POP1: variants seen among roughly 807,000 people sequenced by gnomAD.
The protein encoded by POP1 is ribonucleases P/MRP protein subunit POP1.
Under a neutral mutation model 102.2 loss-of-function variants are expected in POP1, and 75 were observed. That is an observed-to-expected ratio of 0.73 (90% CI 0.61 to 0.89). The LOEUF (loss-of-function observed/expected upper bound fraction) is 0.89, where lower values mean the gene tolerates loss of function less well. POP1 is among the 40% of genes least tolerant of loss of function. The probability of loss-of-function intolerance (pLI) is 0.00; values close to 1 mark genes in which losing one functional copy is unlikely to be tolerated. For synonymous variants in POP1, 436 were observed against 464.1 expected, an observed-to-expected ratio of 0.94 and a Z score of 0.78; for missense variants, 1,116 against 1,267.4, an observed-to-expected ratio of 0.88 and a Z score of 1.81.
intron 4 of POP1, among the ~76,000 whole-genome samples, 172 bp from the exon 5 acceptor site, chr8:98,129,806 A>G (rs1816323465): frequency 1.3e-5 from 2 of 152,128 alleles, no homozygotes; most frequent in Non-Finnish European, 2.9e-5. Context: ...CACTCTTTCC[A>G]TTGTCTTCCT....
At chr8:98,147,720 G>C (rs531993610) in intron 12 of POP1, among the ~76,000 whole-genome samples, 86 of 152,198 alleles carry the variant, frequency 5.7e-4, no homozygotes, top group Non-Finnish European at 9.4e-4. Context: ...GATGTTTAAC[G>C]CATATTCCTG....
rs752108279 is a variant in POP1, at chr8:98,130,172, A to C, written c.681A>C (p.Thr227=). ...GCTACTGCCTTGGGGAGAGGCCAAC[A>C]GTCAAGAGCCACAGAGCCTGCTATC... ...KWGYCLGERP[T]VKSHRACYRA... The change falls in exon 5 of 16, where the codon ACA becomes ACC. Residue 227 remains threonine (T), a synonymous_variant. Coordinates refer to ENST00000401707, the MANE Select transcript of POP1 (RefSeq NM_001145860.2). 4.0e-5 allele frequency: 64 copies of C among 1,614,080 alleles called. No homozygotes were observed. The highest frequency in any genetic ancestry group is 5.0e-5 in the Non-Finnish European group (59 of 1,180,050).
rs2130641312 is a variant in POP1 at position 98,158,919 on chromosome 8, C to A, written c.*648C>A. 6.6e-6 allele frequency: 1 copy of A among 152,290 alleles called. No individual in the cohort carries two copies. Among genetic ancestry groups the A allele is most frequent in the South Asian group, 2.1e-4 (1 of 4,808 alleles). 9.4% of individuals were successfully genotyped at this position (152,290 alleles called of 1,614,324 possible). On this transcript the variant is annotated 3_prime_UTR_variant, in exon 16 of 16. Transcript: ENST00000401707. The stretch of plus-strand genomic sequence containing the variant: ...CTTTGATCTCTTTGTTGTTGACCAA[C>A]ACTTGATCCTACTAGTTACTTAATT...
chr8:98,149,320 A>G (rs1186454356), intron 13 of POP1, among the ~76,000 whole-genome samples: 1 of 152,256 alleles, frequency 6.6e-6, no homozygotes, highest in African/African-American at 2.4e-5. Flanking sequence ...TTTAAAAGCA[A>G]AGGACTTAAC....
At position 98,158,247 on chromosome 8, in the gene POP1, T is replaced by C; in HGVS notation, c.3051T>C (p.Phe1017=). ...CTCCCGCCTCTCTGCAGTATCGATT[T>C]GCGAGGATTGCTATTGAGGTGTGAA... is the stretch of plus-strand genomic sequence containing the variant. The part of the protein sequence containing the change: ...LRPPASLQYR[F]ARIAIEV Residue 1017 remains phenylalanine, a synonymous_variant, in exon 16 of 16, where the codon TTT becomes TTC. Transcript: ENST00000401707. The C allele has an allele frequency of 6.2e-7, 1 of 1,610,984 alleles. No individual in the cohort carries two copies. The highest frequency in any genetic ancestry group is 1.3e-5 in the African/African-American group (1 of 75,062).
At chr8:98,154,283 C>T (rs1263855582) in intron 14 of POP1, among the ~76,000 whole-genome samples, 12 of 152,282 alleles carry the variant, frequency 7.9e-5, no homozygotes, top group Middle Eastern at 3.4e-3. Flanking sequence ...GAGTTGGCTG[C>T]GCCCAGGTCA....
Position 98,128,367 on chromosome 8 carries a change from T to C in POP1, c.313T>C (p.Ser105Pro), listed in dbSNP as rs764012056. The C allele has an allele frequency of 4.3e-6, 7 of 1,613,944 alleles. No individual in the cohort carries two copies. The East Asian group carries it at 1.6e-4, about 36-fold the overall frequency. The part of the protein sequence containing the change: ...SQEIPKYITA[S>P]TFAQARAAEI... ...GACTTTGTCATCTCCTTCAACAGCT[T>C]CTACTTTTGCTCAAGCACGAGCTGC... is the stretch of plus-strand genomic sequence containing the variant. The change falls in exon 4 of 16, where the codon TCT becomes CCT. Residue 105 changes from serine (S) to proline (P), a missense_variant and splice_region_variant. Transcript: ENST00000401707.
At chr8:98,151,082 C>T (rs1223530896) in intron 14 of POP1, among the ~76,000 whole-genome samples, 2 of 149,550 alleles carry the variant, frequency 1.3e-5, no homozygotes, top group African/African-American at 4.9e-5. Context: ...GAGATAAGTA[C>T]TGTTTGTTTG....
intron 9 of POP1, among the ~76,000 whole-genome samples, 187 bp downstream of exon 9, chr8:98,137,141 A>G (rs1203291925): frequency 6.6e-6 from 1 of 152,178 alleles, no homozygotes; most frequent in Non-Finnish European, 1.5e-5. Context: ...AACTAAGTGG[A>G]TATGATCAGT....
intron 11 of POP1, among the ~76,000 whole-genome samples, chr8:98,142,188 G>A (rs944691562): frequency 6.6e-6 from 1 of 152,062 alleles, no homozygotes; most frequent in Non-Finnish European, 1.5e-5. Flanking sequence ...TTGGAATGAG[G>A]TGATTATTAA....
intron 4 of POP1, among the ~76,000 whole-genome samples, chr8:98,129,702 A>G (rs1360279514): frequency 1.3e-5 from 2 of 152,224 alleles, no homozygotes; most frequent in East Asian, 3.8e-4. Context: ...TGAACATTTT[A>G]TAAGTATTCT....
At chr8:98,155,385 A>T (rs1014684712) in intron 14 of POP1, among the ~76,000 whole-genome samples, 1 of 152,118 alleles carries the variant, frequency 6.6e-6, no homozygotes, top group East Asian at 1.9e-4. Flanking sequence ...GGTTCAAGCG[A>T]TTCTTCTGCC....
In POP1 at chr8:98,150,542, A is replaced by T; in HGVS notation, c.1960A>T (p.Lys654Ter). ...AGAGTCTGCAGTGCATTCTCAGTAT[A>T]AGAGGTCGCCTAATGTCCCAGGCGA... Reference protein sequence around the residue: ...LKESAVHSQYKRSPNVPGDFP... With the variant: ...LKESAVHSQY Residue 654 changes from lysine to a stop codon, truncating the protein, a stop_gained, in exon 14 of 16, where the codon AAG (lysine) becomes TAG (stop). Coordinates refer to ENST00000401707, the MANE Select transcript of POP1 (RefSeq NM_001145860.2). LOFTEE classifies it high-confidence loss of function. The T allele has an allele frequency of 6.2e-7, 1 of 1,614,162 alleles. No homozygotes were observed. The highest frequency in any genetic ancestry group is 8.5e-7 in the Non-Finnish European group (1 of 1,180,026).
chr8:98,122,745 T>TA (rs1395840403), intron 1 of POP1, among the ~76,000 whole-genome samples: 1 of 152,222 alleles, frequency 6.6e-6, no homozygotes, highest in African/African-American at 2.4e-5. Context: ...TATGTCTCGA[T>TA]ATGTGTCTAA....
Position 98,134,568 on chromosome 8 carries a change from C to G in POP1, c.920C>G (p.Pro307Arg). Residue 307 changes from proline to arginine, a missense_variant, in exon 7 of 16, where the codon CCT becomes CGT. By Grantham distance (103) the Pro-to-Arg change is moderately radical (BLOSUM62 -2). Transcript: ENST00000401707. ...VNKYPREMLG[P>R]VTFIWKSQRT... is the part of the protein sequence containing the mutation. ...AAATATCCCAGAGAAATGCTTGGGC[C>G]TGTTACGTTTATCTGGAAGTCCCAG... 1 of 1,614,124 alleles carries G rather than the reference C, an allele frequency of 6.2e-7. No homozygotes were observed. The highest frequency in any genetic ancestry group is 1.1e-5 in the South Asian group (1 of 91,088).
chr8:98,131,198 ACCAT>A (rs770948883), intron 5 of POP1, among the ~76,000 whole-genome samples: 1 of 152,262 alleles, frequency 6.6e-6, no homozygotes, highest in Non-Finnish European at 1.5e-5. Context: ...AATCAGTACC[ACCAT>A]CCATCTCCAG....
chr8:98,144,183 G>A (rs1367292063), intron 11 of POP1, among the ~76,000 whole-genome samples: 2 of 151,906 alleles, frequency 1.3e-5, no homozygotes, highest in Non-Finnish European at 2.9e-5. Context: ...AATTTCCTCT[G>A]TGTCTTCTCA....
rs372316348 is a variant in POP1, at chr8:98,136,712, C to T, written c.1242C>T (p.Ile414=). 2.5e-6 allele frequency: 4 copies of T among 1,613,840 alleles called. No homozygotes were observed. Among genetic ancestry groups the T allele is most frequent in the South Asian group, 2.2e-5 (2 of 91,076 alleles). Residue 414 remains isoleucine, a synonymous_variant, in exon 8 of 16, where the codon ATC becomes ATT. Coordinates refer to ENST00000401707, the MANE Select transcript of POP1 (RefSeq NM_001145860.2). The part of the protein sequence containing the change: ...TRDPCLPYSW[I]SPTTGIIISD... ...ATCCATGTCTACCATACTCTTGGAT[C>T]TCTCCAACCACAGGCATTATAATCA...
chr8:98,134,657 C>A lies in POP1; in HGVS notation c.1009C>A (p.Gln337Lys), dbSNP rs1252113186. ...LWIWLHPTLK[Q>K]DILEEIKAAC... ...GATCTGGCTGCATCCAACCCTTAAACAGGTATAATCCTTCAGGTTATCTCC... is the reference window on the plus strand; with the variant it reads ...GATCTGGCTGCATCCAACCCTTAAAAAGGTATAATCCTTCAGGTTATCTCC... Residue 337 changes from glutamine (Q) to lysine (K), a missense_variant and splice_region_variant, in exon 7 of 16, where the codon CAG becomes AAG. Gln to Lys is a moderately conservative substitution (Grantham distance 53). Coordinates refer to ENST00000401707, the MANE Select transcript of POP1 (RefSeq NM_001145860.2). 2 of 1,608,594 alleles carry A rather than the reference C, an allele frequency of 1.2e-6. No individual in the cohort carries two copies. Among genetic ancestry groups the A allele is most frequent in the African/African-American group, 2.7e-5 (2 of 74,782 alleles).
Sources: allele counts gnomAD v4.1 joint callset (sites outside exome capture counted in the v4.1 genomes callset), GRCh38; gene constraint gnomAD v4.1.1; transcripts MANE v1.5; gene names NCBI Gene and HGNC (gene_info 2026-07-23, HGNC 2026-07-21).